The following EPS8L1 variants were observed in gnomAD, a reference collection of about 807,000 sequenced individuals.
The protein encoded by EPS8L1 is EPS8 signaling adaptor L1, also known as epidermal growth factor receptor kinase substrate 8-like protein 1.
A neutral mutation model predicts 91.7 loss-of-function variants in EPS8L1; 101 were observed. The ratio of observed to expected loss-of-function variants is 1.10; its 90% confidence interval spans 0.94 to 1.30. The LOEUF (loss-of-function observed/expected upper bound fraction) is 1.30. EPS8L1 is among the 50% of genes most tolerant of loss of function. EPS8L1 has a pLI of 0.00. For synonymous variants in EPS8L1, 506 were observed against 445.3 expected (o/e 1.14, Z -1.72); for missense variants, 1,114 against 1,017.0 (o/e 1.10, Z -1.30).
At position 55,081,186 on chromosome 19, in the gene EPS8L1, A is replaced by G. The variant is rs1251144194; in HGVS notation, c.513-45A>G. On this transcript the variant is annotated intron_variant, in intron 7 of 19. Coordinates refer to ENST00000201647, the MANE Select transcript of EPS8L1 (RefSeq NM_133180.3). This position sits in a 1 kb window ranked among gnomAD's most constrained non-coding sequence, Gnocchi z 4.9. Reference sequence around the variant, plus strand: ...GCGCCCTGGATTTCCCCCTCCCTGGACCCCTCAGTGGACCCAGTCTTGGTG... The same window carrying G: ...GCGCCCTGGATTTCCCCCTCCCTGGGCCCCTCAGTGGACCCAGTCTTGGTG... 2.7e-6 allele frequency: 4 copies of G among 1,473,360 alleles called. No individual in the cohort carries two copies. Among genetic ancestry groups the G allele is most frequent in the Admixed American group, 2.5e-5 (1 of 39,566 alleles). The allele number at this position is 1,473,360 out of a possible 1,614,324, so 91.3% of individuals were successfully genotyped here. A position where few individuals can be genotyped will look rare whatever the true frequency, so the allele number is the denominator to read the frequency against.
Position 55,081,160 on chromosome 19 carries a change from T to A in EPS8L1, c.513-71T>A. Reference sequence around the variant, plus strand: ...CCTTTTGAGCCTGTGTGTCTCGTTCTGCGCCCTGGATTTCCCCCTCCCTGG... The same window carrying A: ...CCTTTTGAGCCTGTGTGTCTCGTTCAGCGCCCTGGATTTCCCCCTCCCTGG... On this transcript the variant is annotated intron_variant, in intron 7 of 19. Coordinates refer to ENST00000201647, the MANE Select transcript of EPS8L1 (RefSeq NM_133180.3). This position sits in a 1 kb window ranked among gnomAD's most constrained non-coding sequence, Gnocchi z 4.9. The A allele has an allele frequency of 2.1e-6, 3 of 1,440,646 alleles. No individual in the cohort carries two copies. The highest frequency in any genetic ancestry group is 2.7e-6 in the Non-Finnish European group (3 of 1,101,820). The allele number at this position is 1,440,646 out of a possible 1,614,324, so 89.2% of individuals were successfully genotyped here.
chr19:55,076,194 G>A (rs908746427), intron 1 of EPS8L1, among the ~76,000 whole-genome samples: 1 of 113,208 alleles, frequency 8.8e-6, no homozygotes, highest in Admixed American at 8.6e-5. Context: ...TCCTGGGTCT[G>A]AGGGAGGAGG....
chr19:55,079,861 G>A lies in EPS8L1; in HGVS notation c.279+10G>A, dbSNP rs761234909. ...CGACCCGGCCTCCAAGGTGCCGGGG[G>A]GCACGTGGGTGGGAGGAGTGTCTGG... On this transcript the variant is annotated intron_variant, in intron 5 of 19. Coordinates refer to ENST00000201647, the MANE Select transcript of EPS8L1 (RefSeq NM_133180.3). The A allele has an allele frequency of 8.7e-6, 14 of 1,606,628 alleles. No individual in the cohort carries two copies. Among genetic ancestry groups the A allele is most frequent in the African/African-American group, 1.3e-5 (1 of 74,760 alleles).
At position 55,083,421 on chromosome 19, in the gene EPS8L1, T is replaced by A; in HGVS notation, c.1258T>A (p.Phe420Ile). Residue 420 changes from phenylalanine (F) to isoleucine (I), a missense_variant, in exon 13 of 20, where the codon TTC becomes ATC. Physicochemically the swap from Phe to Ile is conservative, Grantham distance 21 (BLOSUM62 0). Transcript: ENST00000201647. This position sits in a 1 kb window ranked among gnomAD's most constrained non-coding sequence, Gnocchi z 4.7. ...PEEGPPYRPE[F>I]FSGWEPPVTD... The stretch of plus-strand genomic sequence containing the variant: ...GGAGGGACCCCCATACAGACCCGAG[T>A]TCTTCAGCGGCTGGGAGCCGCCGGT... 6.2e-7 allele frequency: 1 copy of A among 1,612,840 alleles called. No individual in the cohort carries two copies. The highest frequency in any genetic ancestry group is 8.5e-7 in the Non-Finnish European group (1 of 1,179,898).
chr19:55,076,678 C>T (rs566750393), intron 2 of EPS8L1, among the ~76,000 whole-genome samples: 8 of 152,346 alleles, frequency 5.3e-5, no homozygotes, highest in African/African-American at 1.9e-4. Context: ...AGCTCCAGTT[C>T]GGCCCTCACA....
intron 18 of EPS8L1, 57 bp downstream of exon 18, chr19:55,086,945 G>T (rs1428479437): frequency 5.7e-6 from 8 of 1,400,848 alleles, no homozygotes; most frequent in Non-Finnish European, 7.4e-6. Context: ...GGAGCGGAGC[G>T]TTCCGATCGG....
Position 55,087,394 on chromosome 19 carries a change from C to A in EPS8L1, c.2044C>A (p.Arg682Ser), listed in dbSNP as rs750103854. 1.9e-6 allele frequency: 3 copies of A among 1,613,808 alleles called. No homozygotes were observed. The highest frequency in any genetic ancestry group is 2.5e-6 in the Non-Finnish European group (3 of 1,179,998). The stretch of plus-strand genomic sequence containing the variant: ...GGCGGTGAGCCCCGAGGAGGGGGCA[C>A]GTGTGTACAGCCAGGTCACCGTGCA... ...LRAVSPEEGA[R>S]VYSQVTVQRS... Residue 682 changes from arginine to serine, a missense_variant, in exon 19 of 20, where the codon CGT (arginine) becomes AGT (serine). Physicochemically the swap from Arg to Ser is moderately radical, Grantham distance 110. Coordinates refer to ENST00000201647, the MANE Select transcript of EPS8L1 (RefSeq NM_133180.3).
In EPS8L1 at chr19:55,086,737, G is replaced by A. The variant is rs1474138458; in HGVS notation, c.1801G>A (p.Val601Ile). The change falls in exon 18 of 20, where the codon GTC (valine) becomes ATC (isoleucine). Residue 601 changes from valine (V) to isoleucine (I), a missense_variant. Physicochemically the swap from Val to Ile is conservative, Grantham distance 29. Coordinates refer to ENST00000201647, the MANE Select transcript of EPS8L1 (RefSeq NM_133180.3). ...EKEKFSQMLI[V>I]NEELQARLAQ... ...AGAGAAATTCTCCCAGATGCTCATC[G>A]TCAACGAGGAACTGCAGGCGCGCCT... 1.9e-6 allele frequency: 3 copies of A among 1,606,514 alleles called. No individual in the cohort carries two copies. Among genetic ancestry groups the A allele is most frequent in the South Asian group, 1.1e-5 (1 of 90,738 alleles).
At position 55,083,317 on chromosome 19, in the gene EPS8L1, AG is replaced by A; in HGVS notation, c.1215-59del. On this transcript the variant is annotated intron_variant, in intron 12 of 19. Transcript: ENST00000201647. The surrounding 1 kb of genome is among the most constrained non-coding windows in gnomAD (Gnocchi z 4.7). The stretch of plus-strand genomic sequence containing the variant: ...GGGGAAAACTTAGTGAAGTTAATGC[AG>A]GAACGAAGTTGGGGGCTGTATCAGG... The A allele has an allele frequency of 1.3e-6, 2 of 1,578,140 alleles. No homozygotes were observed. Among genetic ancestry groups the A allele is most frequent in the Non-Finnish European group, 8.6e-7 (1 of 1,160,038 alleles).
intron 11 of EPS8L1, 25 bp downstream of exon 11, chr19:55,082,374 G>C (rs2076286662): frequency 1.2e-6 from 2 of 1,612,392 alleles, no homozygotes; most frequent in East Asian, 2.2e-5. Flanking sequence ...AGGCCCTCGG[G>C]CCCCCCTGCA....
chr19:55,087,271 G>C (rs1555846650), intron 18 of EPS8L1, 32 bp from the exon 19 acceptor site: 1 of 1,571,956 alleles, frequency 6.4e-7, no homozygotes, highest in Non-Finnish European at 8.6e-7. Flanking sequence ...TCCGCCGACC[G>C]GCCTGACCGC....
Position 55,083,390 on chromosome 19 carries a change from C to G in EPS8L1, c.1227C>G (p.Ser409=). 6.2e-7 allele frequency: 1 copy of G among 1,613,050 alleles called. No individual in the cohort carries two copies. Among genetic ancestry groups the G allele is most frequent in the East Asian group, 2.2e-5 (1 of 44,874 alleles). The change falls in exon 13 of 20, where the codon TCC becomes TCG. Residue 409 remains serine, a synonymous_variant. Coordinates refer to ENST00000201647, the MANE Select transcript of EPS8L1 (RefSeq NM_133180.3). This position sits in a 1 kb window ranked among gnomAD's most constrained non-coding sequence, Gnocchi z 4.7. ...TCCCTGGCCGCAGGCTGGAGCTGTC[C>G]CCGGAGGAGGGACCCCCATACAGAC... is the stretch of plus-strand genomic sequence containing the variant. ...DSWTRPGLEL[S]PEEGPPYRPE... is the part of the protein sequence containing the mutation.
chr19:55,078,461 A>T (rs1446089980), intron 3 of EPS8L1, among the ~76,000 whole-genome samples: 1 of 282 alleles, frequency 3.5e-3, no homozygotes, highest in Non-Finnish European at 0.013. Context: ...CTCCTGGGTC[A>T]GAGGGAAGAG....
At chr19:55,079,886 G>A (rs557358947) in intron 5 of EPS8L1, 35 bp downstream of exon 5, 24 of 1,580,512 alleles carry the variant, frequency 1.5e-5, no homozygotes, top group Non-Finnish European at 2.1e-5. Context: ...GGAGTGTCTG[G>A]GGCAGGGACT....
At position 55,085,881 on chromosome 19, in the gene EPS8L1, T is replaced by A. The variant is rs900505148; in HGVS notation, c.1426T>A (p.Ser476Thr). 4 of 1,607,690 alleles carry A rather than the reference T, an allele frequency of 2.5e-6. No individual in the cohort carries two copies. The African/African-American group carries it at 5.4e-5, about 22-fold the overall frequency. Residue 476 changes from serine (S) to threonine (T), a missense_variant, in exon 15 of 20, where the codon TCA (serine) becomes ACA (threonine). By Grantham distance (58) the Ser-to-Thr change is moderately conservative. Coordinates refer to ENST00000201647, the MANE Select transcript of EPS8L1 (RefSeq NM_133180.3). The part of the protein sequence containing the change: ...LEPESEPQLE[S>T]ETAGKWVLCN... ...GCCAGAATCTGAGCCTCAGCTGGAG[T>A]CAGAGACAGCAGGAAAATGGGTCCT...
chr19:55,087,705 A>G lies in EPS8L1; in HGVS notation c.*91A>G. The G allele has an allele frequency of 7.4e-7, 1 of 1,354,098 alleles. No individual in the cohort carries two copies. The highest frequency in any genetic ancestry group is 1.0e-6 in the Non-Finnish European group (1 of 962,314). The allele number at this position is 1,354,098 out of a possible 1,614,324, so 83.9% of individuals were successfully genotyped here. ...CCAATAGCGGAAGTCGATCTTCTGAAGGATGGCCAATCTGCTCCGGCCCTG... is the reference window on the plus strand; with the variant it reads ...CCAATAGCGGAAGTCGATCTTCTGAGGGATGGCCAATCTGCTCCGGCCCTG... On this transcript the variant is annotated 3_prime_UTR_variant, in exon 20 of 20. Coordinates refer to ENST00000201647, the MANE Select transcript of EPS8L1 (RefSeq NM_133180.3).
rs960617668 is a variant in EPS8L1 at position 55,081,161 on chromosome 19, G to A, written c.513-70G>A. ...CTTTTGAGCCTGTGTGTCTCGTTCT[G>A]CGCCCTGGATTTCCCCCTCCCTGGA... On this transcript the variant is annotated intron_variant, in intron 7 of 19. Coordinates refer to ENST00000201647, the MANE Select transcript of EPS8L1 (RefSeq NM_133180.3). The surrounding 1 kb of genome is among the most constrained non-coding windows in gnomAD (Gnocchi z 4.9). 8.3e-6 allele frequency: 12 copies of A among 1,440,636 alleles called. No individual in the cohort carries two copies. Among genetic ancestry groups the A allele is most frequent in the African/African-American group, 2.9e-5 (2 of 69,690 alleles). The allele number at this position is 1,440,636 out of a possible 1,614,324, so 89.2% of individuals were successfully genotyped here.
At chr19:55,087,036 C>T in intron 18 of EPS8L1, 148 bp downstream of exon 18, 1 of 1,137,800 alleles carries the variant, frequency 8.8e-7, no homozygotes, top group Non-Finnish European at 1.2e-6. Flanking sequence ...GGTAGCAACA[C>T]CCAATGGCAG....
At chr19:55,077,584 C>CTTTTTTT (rs35750835) in intron 2 of EPS8L1, among the ~76,000 whole-genome samples, 26 of 76,888 alleles carry the variant, frequency 3.4e-4, no homozygotes, top group East Asian at 4.3e-4. Context: ...CCTGACCTGT[C>CTTTTTTT]TTTTTTTTTT....
Sources: allele counts gnomAD v4.1 joint callset (sites outside exome capture counted in the v4.1 genomes callset), GRCh38; gene constraint gnomAD v4.1.1; non-coding constraint Gnocchi (gnomAD v3.1); transcripts MANE v1.5; gene names NCBI Gene and HGNC (gene_info 2026-07-23, HGNC 2026-07-21).